The following PPARGC1A variants were observed in gnomAD, a reference collection of about 807,000 sequenced individuals.
The protein encoded by PPARGC1A is PPARG coactivator 1 alpha.
PPARGC1A carries 25 observed loss-of-function variants against 88.7 expected under a neutral mutation model. The observed-to-expected ratio is 0.28, with a 90% CI of 0.21 to 0.39. The LOEUF (loss-of-function observed/expected upper bound fraction) is 0.39. PPARGC1A is among the 10% of genes least tolerant of loss of function. PPARGC1A has a pLI of 1.00. For synonymous variants in PPARGC1A, 363 were observed against 355.6 expected (o/e 1.02, Z -0.24); for missense variants, 880 against 968.7 (o/e 0.91, Z 1.22).
chr4:24,271,411 T>C, the PPARGC1A span, among the ~76,000 whole-genome samples: 1 of 151,934 alleles, frequency 6.6e-6, no homozygotes, highest in Non-Finnish European at 1.5e-5. Context: ...GGAGTCTCGC[T>C]CTGTGGCCCT....
At chr4:24,450,745 A>G in the PPARGC1A span, among the ~76,000 whole-genome samples, 13 of 152,322 alleles carry the variant, frequency 8.5e-5, no homozygotes, top group Middle Eastern at 6.8e-3. Context: ...CCAGATGCCT[A>G]CAGACATCTT....
the PPARGC1A span, among the ~76,000 whole-genome samples, chr4:24,033,410 G>GACAGACAC: frequency 1.3e-4 from 20 of 150,954 alleles, no homozygotes; most frequent in East Asian, 2.2e-3. Flanking sequence ...TAGACAGACA[G>GACAGACAC]ACACACACAC....
the PPARGC1A span, among the ~76,000 whole-genome samples, chr4:24,436,202 C>T: frequency 1.3e-5 from 2 of 152,196 alleles, no homozygotes; most frequent in African/African-American, 2.4e-5. Context: ...AATGGGTCAC[C>T]AAAATCTCAA....
the PPARGC1A span, among the ~76,000 whole-genome samples, chr4:24,162,591 CTTTTTTT>C: frequency 7.8e-6 from 1 of 128,056 alleles, no homozygotes; most frequent in Non-Finnish European, 1.6e-5. Context: ...TCCTTACTTC[CTTTTTTT>C]TTTTTTTTTT....
the PPARGC1A span, among the ~76,000 whole-genome samples, chr4:24,032,698 AT>A: frequency 1.3e-5 from 2 of 152,132 alleles, no homozygotes; most frequent in African/African-American, 4.8e-5. Context: ...GAGTTGGTTT[AT>A]TTTTTAGCAC....
chr4:24,210,176 T>A, the PPARGC1A span, among the ~76,000 whole-genome samples: 1 of 152,196 alleles, frequency 6.6e-6, no homozygotes, highest in Non-Finnish European at 1.5e-5. Flanking sequence ...TGTCATCATC[T>A]GCAATCTAAT....
At chr4:24,119,918 C>A in the PPARGC1A span, among the ~76,000 whole-genome samples, 1 of 152,048 alleles carries the variant, frequency 6.6e-6, no homozygotes, top group East Asian at 1.9e-4. Flanking sequence ...GCTTTATTAG[C>A]CATCATAAAT....
chr4:24,222,621 A>G, the PPARGC1A span, among the ~76,000 whole-genome samples: 2 of 152,220 alleles, frequency 1.3e-5, no homozygotes, highest in African/African-American at 4.8e-5. Flanking sequence ...GAAAAGTCCA[A>G]GGTTATACTG....
At chr4:23,929,322 TA>T in the PPARGC1A span, among the ~76,000 whole-genome samples, 1 of 152,134 alleles carries the variant, frequency 6.6e-6, no homozygotes, top group Admixed American at 6.5e-5. Context: ...TTGTGTGAGT[TA>T]CTAGAGGTGG....
At chr4:24,387,818 A>AAGAAAGAGAAAGAG in the PPARGC1A span, among the ~76,000 whole-genome samples, 57 of 81,090 alleles carry the variant, frequency 7.0e-4, 1 homozygote, top group African/African-American at 2.7e-3. Flanking sequence ...GAAAGAAAGA[A>AAGAAAGAGAAAGAG]AGAAAGAGAG....
the PPARGC1A span, among the ~76,000 whole-genome samples, chr4:24,082,359 C>T: frequency 6.6e-6 from 1 of 152,188 alleles, no homozygotes; most frequent in African/African-American, 2.4e-5. Flanking sequence ...AGAGGTGCCA[C>T]GTGATCCTAG....
At chr4:23,834,636 G>C (rs956518650) in intron 2 of PPARGC1A, among the ~76,000 whole-genome samples, 1 of 152,086 alleles carries the variant, frequency 6.6e-6, no homozygotes, top group African/African-American at 2.4e-5. Context: ...GAAGCTTATT[G>C]AATACCCTCA....
the PPARGC1A span, among the ~76,000 whole-genome samples, chr4:24,039,727 G>A: frequency 1.3e-5 from 2 of 152,028 alleles, no homozygotes; most frequent in Non-Finnish European, 2.9e-5. Context: ...AATTCCTAAA[G>A]CAACTTGCCA....
chr4:24,254,417 A>G, the PPARGC1A span, among the ~76,000 whole-genome samples: 2 of 152,134 alleles, frequency 1.3e-5, no homozygotes, highest in Non-Finnish European at 2.9e-5. Flanking sequence ...CCAGAGAGGC[A>G]CTCCCCAGTT....
chr4:24,280,575 A>G, the PPARGC1A span, among the ~76,000 whole-genome samples: 4 of 152,294 alleles, frequency 2.6e-5, no homozygotes, highest in East Asian at 3.9e-4. Flanking sequence ...AAAGAAAAAA[A>G]CTTCTATTAT....
At chr4:24,421,412 GC>G in the PPARGC1A span, among the ~76,000 whole-genome samples, 1 of 150,746 alleles carries the variant, frequency 6.6e-6, no homozygotes, top group Admixed American at 6.6e-5. Flanking sequence ...CCGGGTTCAC[GC>G]CCTTCTCCTG....
chr4:23,883,999 A>G (rs1277267251), intron 2 of PPARGC1A: 3 of 152,212 alleles, frequency 2.0e-5, no homozygotes, highest in African/African-American at 7.2e-5. Context: ...TTCACTTGCC[A>G]GAGTACTCAC....
chr4:24,295,616 T>G, the PPARGC1A span, among the ~76,000 whole-genome samples: 1 of 151,540 alleles, frequency 6.6e-6, no homozygotes, highest in South Asian at 2.1e-4. Flanking sequence ...TTGCCAGGTT[T>G]AAGGGGGAAG....
chr4:24,022,621 G>C, the PPARGC1A span, among the ~76,000 whole-genome samples: 1 of 152,188 alleles, frequency 6.6e-6, no homozygotes, highest in East Asian at 1.9e-4. Flanking sequence ...GACAGGAGCA[G>C]GGCCTCCCTC....
Sources: gnomAD v4.1 joint callset for allele counts (sites outside exome capture counted in the v4.1 genomes callset) on GRCh38, gnomAD v4.1.1 for gene constraint, MANE v1.5 for transcripts, NCBI Gene and HGNC (gene_info 2026-07-23, HGNC 2026-07-21) for gene names.